TNRC6A: variants seen among roughly 807,000 people sequenced by gnomAD.
TNRC6A encodes the protein trinucleotide repeat-containing gene 6A protein.
TNRC6A carries 44 observed loss-of-function variants against 221.2 expected under a neutral mutation model. The observed-to-expected ratio is 0.20, with a 90% CI of 0.16 to 0.26. TNRC6A has a LOEUF of 0.26. TNRC6A is among the 10% of genes least tolerant of loss of function. TNRC6A has a pLI of 1.00. For missense variants in TNRC6A, 2,199 were observed against 2,404.4 expected, an observed-to-expected ratio of 0.91 and a Z score of 1.79; for synonymous variants, 847 against 838.5, an observed-to-expected ratio of 1.01 and a Z score of -0.18.
At chr16:24,814,844 C>G (rs187815227) in intron 18 of TNRC6A, among the ~76,000 whole-genome samples, 1 of 152,116 alleles carries the variant, frequency 6.6e-6, no homozygotes, top group Non-Finnish European at 1.5e-5. Context: ...GAAAAGAACC[C>G]CTGAGCTATC....
intron 2 of TNRC6A, among the ~76,000 whole-genome samples, chr16:24,696,909 G>A (rs766655972): frequency 7.9e-5 from 12 of 152,012 alleles, no homozygotes; most frequent in Non-Finnish European, 1.6e-4. Context: ...GACCGGAGCT[G>A]AAGCAGTCAT....
chr16:24,674,737 CAT>C (rs1378130685), intron 2 of TNRC6A, among the ~76,000 whole-genome samples: 2 of 135,884 alleles, frequency 1.5e-5, no homozygotes, highest in Non-Finnish European at 3.1e-5. Flanking sequence ...CACACACACA[CAT>C]CTTTGTCTAA....
rs1267057909 is a variant in TNRC6A, at chr16:24,793,507, A to G, written c.3210A>G (p.Pro1070=). 2.0e-5 allele frequency: 30 copies of G among 1,530,890 alleles called. No homozygotes were observed. The highest frequency in any genetic ancestry group is 2.5e-5 in the Non-Finnish European group (28 of 1,135,610). 94.8% of individuals were successfully genotyped at this position (1,530,890 alleles called of 1,614,324 possible). The part of the protein sequence containing the change: ...WGEPWGEPST[P]ATTVDNGTSA... ...AGCCCTGGGGGGAGCCTTCTACTCC[A>G]GCCACAACTGTGGATAATGGTACTT... Residue 1070 remains proline, a synonymous_variant, in exon 7 of 25, where the codon CCA becomes CCG. Transcript: ENST00000395799.
intron 2 of TNRC6A, among the ~76,000 whole-genome samples, chr16:24,712,862 T>G (rs1302640147): frequency 6.6e-6 from 1 of 151,486 alleles, no homozygotes; most frequent in Non-Finnish European, 1.5e-5. Context: ...CAAGGGCTCC[T>G]CCCAGCTCAG....
At chr16:24,617,676 C>T (rs1229869865) in intron 1 of TNRC6A, among the ~76,000 whole-genome samples, 1 of 152,116 alleles carries the variant, frequency 6.6e-6, no homozygotes, top group Non-Finnish European at 1.5e-5. Context: ...GATGAGGAAA[C>T]TGAGGCATGG....
chr16:24,786,826 C>T (rs1373708155), intron 5 of TNRC6A, among the ~76,000 whole-genome samples: 4 of 152,142 alleles, frequency 2.6e-5, no homozygotes, highest in African/African-American at 7.2e-5. Flanking sequence ...GGACTGCAGG[C>T]GCCTGCCACC....
intron 2 of TNRC6A, among the ~76,000 whole-genome samples, chr16:24,648,501 A>C (rs1167297321): frequency 1.3e-5 from 2 of 151,622 alleles, no homozygotes; most frequent in East Asian, 3.9e-4. Context: ...CGATCTCCTG[A>C]CCTCATGATT....
At chr16:24,807,914 T>C (rs1001204287) in intron 17 of TNRC6A, among the ~76,000 whole-genome samples, 1 of 152,252 alleles carries the variant, frequency 6.6e-6, no homozygotes, top group Non-Finnish European at 1.5e-5. Flanking sequence ...GGCTGGGGCA[T>C]GCTGTTGCCC....
intron 1 of TNRC6A, among the ~76,000 whole-genome samples, chr16:24,623,186 T>TTTAC (rs1240662322): frequency 0.027 from 3,542 of 128,994 alleles, 159 homozygotes; most frequent in African/African-American, 0.12. Context: ...TATTTATTTA[T>TTTAC]TTATTTACTT....
chr16:24,822,795 G>A, intron 23 of TNRC6A, 79 bp from the exon 24 acceptor site: 2 of 1,569,762 alleles, frequency 1.3e-6, no homozygotes, highest in Non-Finnish European at 1.7e-6. Flanking sequence ...GAGAGGAGGG[G>A]CAGCAGTGCA....
chr16:24,612,885 C>T (rs6497746), intron 1 of TNRC6A, among the ~76,000 whole-genome samples: 40,460 of 151,878 alleles, frequency 0.27, 5,517 homozygotes, highest in Middle Eastern at 0.36. Context: ...TAAGTCATCA[C>T]ACAAGATGAT....
intron 2 of TNRC6A, among the ~76,000 whole-genome samples, chr16:24,671,251 C>A (rs1013711282): frequency 6.6e-6 from 1 of 152,120 alleles, no homozygotes; most frequent in Admixed American, 6.6e-5. Flanking sequence ...ATGGGTGAGG[C>A]TAAACTCCAG....
intron 2 of TNRC6A, among the ~76,000 whole-genome samples, chr16:24,703,742 A>G (rs1299650389): frequency 6.6e-6 from 1 of 152,182 alleles, no homozygotes; most frequent in Non-Finnish European, 1.5e-5. Flanking sequence ...TCTCTTGAGT[A>G]TACACCTAGA....
chr16:24,696,728 C>CAA (rs1251210834), intron 2 of TNRC6A, among the ~76,000 whole-genome samples: 7 of 45,146 alleles, frequency 1.6e-4, no homozygotes, highest in East Asian at 7.6e-4. Flanking sequence ...GACCCTGTCT[C>CAA]AAAAAAAAAA....
chr16:24,697,354 T>C (rs982308564), intron 2 of TNRC6A, among the ~76,000 whole-genome samples: 1 of 152,170 alleles, frequency 6.6e-6, no homozygotes, highest in Non-Finnish European at 1.5e-5. Flanking sequence ...CAAAGACTGG[T>C]GAGAAAAACA....
At chr16:24,750,635 A>C in intron 2 of TNRC6A, 91 bp from the exon 3 acceptor site, 2 of 1,353,548 alleles carry the variant, frequency 1.5e-6, no homozygotes, top group Middle Eastern at 2.1e-4. Context: ...GTCTTCTAAT[A>C]AGAGTGAAAA....
chr16:24,674,653 T>G, intron 2 of TNRC6A, among the ~76,000 whole-genome samples: 1 of 151,414 alleles, frequency 6.6e-6, no homozygotes, highest in African/African-American at 2.4e-5. Flanking sequence ...TGTAAAGTAA[T>G]TCTTTTAAAT....
At chr16:24,788,967 G>A (rs1024465056) in intron 5 of TNRC6A, among the ~76,000 whole-genome samples, 5 of 152,032 alleles carry the variant, frequency 3.3e-5, no homozygotes, top group Admixed American at 6.6e-5. Context: ...TTTATTTACC[G>A]ATATGTTAAC....
chr16:24,794,843 G>C, intron 8 of TNRC6A, 124 bp downstream of exon 8: 1 of 806,008 alleles, frequency 1.2e-6, no homozygotes, highest in Non-Finnish European at 1.8e-6. Context: ...CCCACCTTAG[G>C]TATAGCCACT....
Sources: gnomAD v4.1 joint callset for allele counts (sites outside exome capture counted in the v4.1 genomes callset) on GRCh38, gnomAD v4.1.1 for gene constraint, MANE v1.5 for transcripts, NCBI Gene and HGNC (gene_info 2026-07-23, HGNC 2026-07-21) for gene names.